The following KSR1 variants were observed in gnomAD, a reference collection of about 807,000 sequenced individuals.
The protein encoded by KSR1 is kinase suppressor of ras.
In KSR1, 35 loss-of-function variants were observed where a neutral mutation model predicts 92.9. The ratio of observed to expected loss-of-function variants is 0.38; its 90% CI spans 0.29 to 0.50. The LOEUF (loss-of-function observed/expected upper bound fraction) is 0.50. KSR1 is among the 20% of genes least tolerant of loss of function. The pLI is 0.94. For missense variants in KSR1, 972 were observed against 1,158.5 expected (o/e 0.84, Z 2.34); for synonymous variants, 467 against 472.6 (o/e 0.99, Z 0.15).
intron 1 of KSR1, among the ~76,000 whole-genome samples, chr17:27,520,883 TC>T (rs1421457436): frequency 1.3e-5 from 2 of 152,232 alleles, no homozygotes; most frequent in African/African-American, 4.8e-5. Flanking sequence ...GACGTGTGAT[TC>T]CCTGTTTGCC....
intron 20 of KSR1, among the ~76,000 whole-genome samples, chr17:27,621,583 CT>C (rs1268018275): frequency 6.6e-6 from 1 of 152,154 alleles, no homozygotes; most frequent in Non-Finnish European, 1.5e-5. Flanking sequence ...CCCAGTCCCC[CT>C]GGCCAGAGCT....
rs77214757 is a variant in KSR1 at position 27,578,147 on chromosome 17, C to T, written c.520+508C>T. The T allele has an allele frequency of 1.9e-3, 331 of 177,070 alleles. 9 individuals are homozygous for T. In the East Asian group the frequency reaches 0.05, roughly 27 times the overall value. 11.0% of individuals were successfully genotyped at this position (177,070 alleles called of 1,614,324 possible). A position where few individuals can be genotyped will look rare whatever the true frequency, so the allele number is the denominator to read the frequency against. ...GTAATCCTGGCCTTGCCACGAGGTCCTTGGGAATTATTCACAGGCTTTCTA... is the reference window on the plus strand; with the variant it reads ...GTAATCCTGGCCTTGCCACGAGGTCTTTGGGAATTATTCACAGGCTTTCTA... On this transcript the variant is annotated intron_variant, in intron 3 of 20. Coordinates refer to ENST00000644974, the MANE Select transcript of KSR1 (RefSeq NM_001394583.1).
intron 19 of KSR1, among the ~76,000 whole-genome samples, chr17:27,619,537 A>G (rs2074158979): frequency 6.6e-6 from 1 of 150,616 alleles, no homozygotes; most frequent in East Asian, 1.9e-4. Flanking sequence ...AGCTGGGACT[A>G]TAGGCGCACG....
At chr17:27,580,330 G>A (rs947009276) in intron 3 of KSR1, among the ~76,000 whole-genome samples, 27 of 152,172 alleles carry the variant, frequency 1.8e-4, no homozygotes, top group African/African-American at 5.3e-4. Flanking sequence ...GGGAGCACAG[G>A]GACTGAGCAA....
intron 11 of KSR1, among the ~76,000 whole-genome samples, chr17:27,602,351 G>T (rs2073595206): frequency 6.6e-6 from 1 of 152,162 alleles, no homozygotes; most frequent in Admixed American, 6.5e-5. Context: ...TTTCACACCG[G>T]TTTTTTGTTG....
intron 1 of KSR1, among the ~76,000 whole-genome samples, chr17:27,524,042 C>T (rs1256917039): frequency 6.6e-6 from 1 of 152,026 alleles, no homozygotes; most frequent in African/African-American, 2.4e-5. Context: ...TACCTCTGGC[C>T]CATGCAGGCT....
rs974479745 is a variant in KSR1, at chr17:27,626,053, G to A, written c.*2661G>A. 3 of 152,260 alleles carry A rather than the reference G, an allele frequency of 2.0e-5. No individual in the cohort carries two copies. The highest frequency in any genetic ancestry group is 2.1e-4 in the South Asian group (1 of 4,830). 9.4% of individuals were successfully genotyped at this position (152,260 alleles called of 1,614,324 possible). On this transcript the variant is annotated 3_prime_UTR_variant, in exon 21 of 21. Transcript: ENST00000644974. Reference sequence around the variant, plus strand: ...CGGCATTTCCTCTTGAGGTCACAGAGAGGAATGGCAAGCCCTGGAAACCTG... The same window carrying A: ...CGGCATTTCCTCTTGAGGTCACAGAAAGGAATGGCAAGCCCTGGAAACCTG...
intron 19 of KSR1, among the ~76,000 whole-genome samples, chr17:27,620,281 A>G (rs1412648173): frequency 2.0e-5 from 3 of 152,170 alleles, no homozygotes; most frequent in South Asian, 4.1e-4. Flanking sequence ...TTAGGCAGCC[A>G]TTGCTGCACA....
At chr17:27,621,822 G>T in intron 20 of KSR1, 1 of 1,066,286 alleles carries the variant, frequency 9.4e-7, no homozygotes, top group Middle Eastern at 2.2e-4. Flanking sequence ...AAGAGAAAGG[G>T]AGTCCCCTGC....
chr17:27,543,746 G>C (rs540414662), intron 1 of KSR1, among the ~76,000 whole-genome samples: 21 of 152,174 alleles, frequency 1.4e-4, no homozygotes, highest in Admixed American at 2.6e-4. Context: ...TTTCATTCCC[G>C]TCACATCCTC....
intron 2 of KSR1, among the ~76,000 whole-genome samples, chr17:27,576,501 C>T (rs192144051): frequency 5.9e-5 from 9 of 152,290 alleles, no homozygotes; most frequent in Admixed American, 5.9e-4. Context: ...CTGTACTGTT[C>T]TCACCCCTCA....
intron 1 of KSR1, among the ~76,000 whole-genome samples, chr17:27,518,210 G>A (rs2069877325): frequency 6.6e-6 from 1 of 152,092 alleles, no homozygotes; most frequent in South Asian, 2.1e-4. Flanking sequence ...TAGGGAGCAG[G>A]GCATTCTAGG....
chr17:27,501,550 G>T (rs1471480710), intron 1 of KSR1, among the ~76,000 whole-genome samples: 1 of 152,118 alleles, frequency 6.6e-6, no homozygotes, highest in African/African-American at 2.4e-5. Context: ...GCAAGCCCAG[G>T]ACCCTGCTGC....
intron 1 of KSR1, among the ~76,000 whole-genome samples, chr17:27,544,129 A>G (rs1175142664): frequency 2.0e-5 from 3 of 152,112 alleles, no homozygotes; most frequent in Admixed American, 6.5e-5. Context: ...CAGCCTTTTG[A>G]GGTAGATCAA....
chr17:27,458,850 G>A (rs1453669509), intron 1 of KSR1, among the ~76,000 whole-genome samples: 3 of 152,224 alleles, frequency 2.0e-5, no homozygotes, highest in Non-Finnish European at 4.4e-5. Flanking sequence ...ACTTCATCCC[G>A]GAGGCCTCAG....
At chr17:27,538,488 A>G (rs2070832205) in intron 1 of KSR1, among the ~76,000 whole-genome samples, 1 of 152,218 alleles carries the variant, frequency 6.6e-6, no homozygotes, top group South Asian at 2.1e-4. Context: ...CAAAACTGTC[A>G]CAGGTAACCA....
intron 1 of KSR1, among the ~76,000 whole-genome samples, chr17:27,486,149 A>G (rs2068656521): frequency 6.6e-6 from 1 of 152,202 alleles, no homozygotes; most frequent in Non-Finnish European, 1.5e-5. Flanking sequence ...TTTTTGCTGC[A>G]AGCAAAACCA....
intron 1 of KSR1, chr17:27,527,038 G>A (rs1402975430): frequency 6.4e-6 from 3 of 468,864 alleles, no homozygotes; most frequent in Non-Finnish European, 8.1e-6. Flanking sequence ...GGCAGGGACA[G>A]CTCGGCTGAG....
chr17:27,537,562 G>T (rs942598795), intron 1 of KSR1, among the ~76,000 whole-genome samples: 2 of 152,088 alleles, frequency 1.3e-5, no homozygotes, highest in Non-Finnish European at 2.9e-5. Context: ...GTGGTGGCGG[G>T]CACCTGTAAT....
Sources: gnomAD v4.1 joint callset for allele counts (sites outside exome capture counted in the v4.1 genomes callset) on GRCh38, gnomAD v4.1.1 for gene constraint, MANE v1.5 for transcripts, NCBI Gene and HGNC (gene_info 2026-07-23, HGNC 2026-07-21) for gene names.